Variants in CIC observed in about 807,000 individuals in gnomAD.
The protein encoded by CIC is capicua transcriptional repressor.
In CIC, 18 loss-of-function variants were observed where a neutral mutation model predicts 115.7. That is an observed-to-expected ratio of 0.16 (90% CI 0.11 to 0.23). The LOEUF is 0.23. Among genes scored for constraint, CIC ranks in the 10% least tolerant of loss-of-function variants. The pLI, the probability that CIC is intolerant of heterozygous loss-of-function variation, is 1.00. For missense variants in CIC, 2,000 were observed against 2,159.3 expected (o/e 0.93, Z 1.46); for synonymous variants, 1,076 against 923.0 (o/e 1.17, Z -3.01).
rs752839196 is a variant in CIC, at chr19:42,290,606, G to A, written c.4565G>A (p.Gly1522Asp). The change falls in exon 11 of 21, where the codon GGC becomes GAC. Residue 1522 changes from glycine to aspartate, a missense_variant. Gly to Asp is a moderately conservative substitution (Grantham distance 94). This residue lies in a region of CIC where 1,466 missense variants were observed against 1,390.4 expected (regional missense o/e 1.05). Transcript: ENST00000681038. Reference protein sequence around the residue: ...PESVGGLEPPGPSVIAAPPSG... With the variant: ...PESVGGLEPPDPSVIAAPPSG... ...AGTGTGGGTGGCCTGGAGCCACCAG[G>A]CCCCTCAGTCATCGCGGCCCCTCCC... 2.5e-6 allele frequency: 4 copies of A among 1,613,822 alleles called. No homozygotes were observed. Among genetic ancestry groups the A allele is most frequent in the Non-Finnish European group, 2.5e-6 (3 of 1,179,976 alleles).
In CIC at chr19:42,294,290, C is replaced by T. The variant is rs768961076; in HGVS notation, c.7040C>T (p.Thr2347Ile). The change falls in exon 19 of 21, where the codon ACC becomes ATC. Residue 2347 changes from threonine to isoleucine, a missense_variant. Transcript: ENST00000681038. Reference sequence around the variant, plus strand: ...GCCAAGTGCGAGGGGGACATCTTCACCTTTGACCGTACAGGTGCCGTGGTG... The same window carrying T: ...GCCAAGTGCGAGGGGGACATCTTCATCTTTGACCGTACAGGTGCCGTGGTG... The part of the protein sequence containing the change: ...KSAKCEGDIF[T>I]FDRTGTEAED... 3.7e-6 allele frequency: 6 copies of T among 1,613,458 alleles called. No homozygotes were observed. The highest frequency in any genetic ancestry group is 5.1e-6 in the Non-Finnish European group (6 of 1,180,036).
intron 2 of CIC, among the ~76,000 whole-genome samples, chr19:42,275,701 A>G (rs1599855153): frequency 6.6e-6 from 1 of 152,140 alleles, no homozygotes; most frequent in African/African-American, 2.4e-5. Context: ...TTTTATAGAG[A>G]TGGGGTCTTG....
chr19:42,290,162 G>C, intron 10 of CIC, 71 bp from the exon 11 acceptor site: 1 of 1,602,360 alleles, frequency 6.2e-7, no homozygotes, highest in Non-Finnish European at 8.5e-7. Context: ...GGCTGGATGG[G>C]CATGGCTAGG....
Position 42,295,142 on chromosome 19 carries a change from A to AGGGG in CIC, c.7506_7507insGGGG (p.Pro2503GlyfsTer21). ...CAGCCTGGCTGGGAGGGGGCTCCCC[A>AGGGG]GCCCTCCCCCCCACCCCCAGGTCCC... On this transcript the variant is annotated frameshift_variant, in exon 21 of 21. Transcript: ENST00000681038. LOFTEE classifies it high-confidence loss of function. The AGGGG allele has an allele frequency of 1.3e-5, 7 of 558,738 alleles. No homozygotes were observed. Among genetic ancestry groups the AGGGG allele is most frequent in the Non-Finnish European group, 2.0e-5 (7 of 350,574 alleles). 34.6% of individuals were successfully genotyped at this position (558,738 alleles called of 1,614,324 possible). A position where few individuals can be genotyped will look rare whatever the true frequency, so the allele number is the denominator to read the frequency against.
intron 2 of CIC, among the ~76,000 whole-genome samples, chr19:42,281,440 T>C (rs1321555867): frequency 2.0e-5 from 3 of 152,082 alleles, no homozygotes; most frequent in African/African-American, 4.8e-5. Flanking sequence ...GGCCTGGGTG[T>C]GGTGGCACAG....
At chr19:42,286,010 C>T (rs1024468054) in intron 2 of CIC, among the ~76,000 whole-genome samples, 1 of 152,254 alleles carries the variant, frequency 6.6e-6, no homozygotes, top group Non-Finnish European at 1.5e-5. Flanking sequence ...TTACCACACC[C>T]TCCCCTGTTT....
Position 42,288,984 on chromosome 19 carries a change from C to A in CIC, c.3755C>A (p.Thr1252Lys). 6.2e-7 allele frequency: 1 copy of A among 1,614,010 alleles called. No individual in the cohort carries two copies. The highest frequency in any genetic ancestry group is 8.5e-7 in the Non-Finnish European group (1 of 1,180,042). The change falls in exon 8 of 21, where the codon ACA (threonine) becomes AAA (lysine). Residue 1252 changes from threonine (T) to lysine (K), a missense_variant. Thr to Lys is a moderately conservative substitution (Grantham distance 78). This residue lies in a region of CIC where 1,466 missense variants were observed against 1,390.4 expected (regional missense o/e 1.05). Transcript: ENST00000681038. ...TCCTGTGGGGCAGAACGGCTACACA[C>A]AGTTGGGGGACCTGGCTCAGCCCGG... ...SSSCGAERLH[T>K]VGGPGSARPR...
At chr19:42,286,098 G>A (rs986990204) in intron 2 of CIC, among the ~76,000 whole-genome samples, 1 of 152,172 alleles carries the variant, frequency 6.6e-6, no homozygotes, top group Non-Finnish European at 1.5e-5. Context: ...GCCGATTTCT[G>A]GATGGTGCAT....
In CIC at chr19:42,290,395, T is replaced by C; in HGVS notation, c.4354T>C (p.Ser1452Pro). 2 of 1,613,978 alleles carry C rather than the reference T, an allele frequency of 1.2e-6. No homozygotes were observed. Among genetic ancestry groups the C allele is most frequent in the Non-Finnish European group, 1.7e-6 (2 of 1,179,946 alleles). The part of the protein sequence containing the change: ...SSSASSPASS[S>P]ASAATSFSLG... ...CTCTGCGTCCTCGCCTGCTTCCTCCTCAGCCTCGGCAGCCACCTCCTTCTC... is the reference window on the plus strand; with the variant it reads ...CTCTGCGTCCTCGCCTGCTTCCTCCCCAGCCTCGGCAGCCACCTCCTTCTC... Residue 1452 changes from serine (S) to proline (P), a missense_variant, in exon 11 of 21, where the codon TCA (serine) becomes CCA (proline). This residue lies in a region of CIC where 1,466 missense variants were observed against 1,390.4 expected (regional missense o/e 1.05). Coordinates refer to ENST00000681038, the MANE Select transcript of CIC (RefSeq NM_001386298.1).
At position 42,290,805 on chromosome 19, in the gene CIC, C is replaced by T. The variant is rs759913705; in HGVS notation, c.4764C>T (p.Val1588=). The change falls in exon 11 of 21, where the codon GTC becomes GTT. Residue 1588 remains valine, a synonymous_variant. Transcript: ENST00000681038. ...TGGTCACCAATGTGGTGCGGCCTGTCAGCAGCACTCCTGTGCCCATCGCCT... is the reference window on the plus strand; with the variant it reads ...TGGTCACCAATGTGGTGCGGCCTGTTAGCAGCACTCCTGTGCCCATCGCCT... ...ATMVTNVVRP[V]SSTPVPIASK... is the part of the protein sequence containing the mutation. 8.1e-6 allele frequency: 13 copies of T among 1,609,166 alleles called. No individual in the cohort carries two copies. In the East Asian group the frequency reaches 2.0e-4, roughly 25 times the overall value.
chr19:42,279,727 G>A (rs886999880), intron 2 of CIC, among the ~76,000 whole-genome samples: 1 of 152,224 alleles, frequency 6.6e-6, no homozygotes, highest in Admixed American at 6.5e-5. Flanking sequence ...GGCATTTAGA[G>A]CAGGGGAGGG....
chr19:42,280,889 C>T lies in CIC; in HGVS notation c.2795-5882C>T, dbSNP rs1359753080. Among the ~76,000 whole-genome samples the T allele has an allele frequency of 2.0e-5, 3 of 151,426 alleles. No individual in the cohort carries two copies. Among genetic ancestry groups the T allele is most frequent in the African/African-American group, 7.3e-5 (3 of 41,196 alleles). On this transcript the variant is annotated intron_variant, in intron 2 of 20. Transcript: ENST00000681038. The surrounding 1 kb of genome is among the most constrained non-coding windows in gnomAD (Gnocchi z 4.9). ...ACCCCTTTCCCGCCCCCGCACCTTC[C>T]CTTCCCCAAACCCACGTCTCTCAAC...
In CIC at chr19:42,289,018, T is replaced by A. The variant is rs1273446286; in HGVS notation, c.3789T>A (p.Ala1263=). The change falls in exon 8 of 21, where the codon GCT becomes GCA. Residue 1263 remains alanine (A), a synonymous_variant. Coordinates refer to ENST00000681038, the MANE Select transcript of CIC (RefSeq NM_001386298.1). ...GACCTGGCTCAGCCCGGCCCCGAGC[T>A]TTCTCCCACAGCGGGGTACACAGCC... is the stretch of plus-strand genomic sequence containing the variant. ...VGGPGSARPR[A]FSHSGVHSLD... The A allele has an allele frequency of 5.6e-6, 9 of 1,613,676 alleles. No homozygotes were observed. Among genetic ancestry groups the A allele is most frequent in the Non-Finnish European group, 7.6e-6 (9 of 1,180,036 alleles).
At chr19:42,276,698 T>G (rs1380785859) in intron 2 of CIC, among the ~76,000 whole-genome samples, 1 of 152,194 alleles carries the variant, frequency 6.6e-6, no homozygotes, top group African/African-American at 2.4e-5. Flanking sequence ...CAGCAGGGAT[T>G]TCTGTCCTTA....
Position 42,272,207 on chromosome 19 carries a change from C to T in CIC, c.424C>T (p.Arg142Trp), listed in dbSNP as rs992505521. 8.3e-5 allele frequency: 33 copies of T among 398,764 alleles called. No homozygotes were observed. Among genetic ancestry groups the T allele is most frequent in the Non-Finnish European group, 1.0e-4 (23 of 226,284 alleles). The allele number at this position is 398,764 out of a possible 1,614,324, so 24.7% of individuals were successfully genotyped here. The change falls in exon 2 of 21, where the codon CGG becomes TGG. Residue 142 changes from arginine to tryptophan, a missense_variant. Coordinates refer to ENST00000681038, the MANE Select transcript of CIC (RefSeq NM_001386298.1). ...GVAGAPEERV[R>W]TPEEASGLGV... The stretch of plus-strand genomic sequence containing the variant: ...GGCTGGGGCCCCTGAAGAGCGGGTG[C>T]GGACCCCTGAGGAGGCCAGTGGCCT...
intron 2 of CIC, among the ~76,000 whole-genome samples, chr19:42,284,944 GTGT>G (rs2037522548): frequency 6.6e-6 from 1 of 152,220 alleles, no homozygotes; most frequent in South Asian, 2.1e-4. Context: ...GCAGGTGGGA[GTGT>G]AGCGGAGTGG....
upstream of CIC, among the ~76,000 whole-genome samples, chr19:42,269,013 C>G (rs928460072): frequency 5.9e-5 from 9 of 152,154 alleles, no homozygotes. Flanking sequence ...GGGTAGGGCC[C>G]TAGGCAGATC....
chr19:42,291,841 A>G (rs1317392374), intron 12 of CIC, 96 bp downstream of exon 12: 2 of 1,488,536 alleles, frequency 1.3e-6, no homozygotes, highest in Non-Finnish European at 1.9e-6. Context: ...TTCTCCATGT[A>G]TCTGGTTCTC....
intron 2 of CIC, 126 bp from the exon 3 acceptor site, chr19:42,286,645 C>G (rs1415903604): frequency 8.4e-7 from 1 of 1,184,198 alleles, no homozygotes; most frequent in South Asian, 1.3e-5. Context: ...GTCCAAGAGG[C>G]TCTGGTGTTG....
Sources: allele counts gnomAD v4.1 joint callset (sites outside exome capture counted in the v4.1 genomes callset), GRCh38; gene constraint gnomAD v4.1.1; regional missense constraint gnomAD v4.1.1; non-coding constraint Gnocchi (gnomAD v3.1); transcripts MANE v1.5; gene names NCBI Gene and HGNC (gene_info 2026-07-23, HGNC 2026-07-21).